NEDD4L: variants seen among roughly 807,000 people sequenced by gnomAD.
NEDD4L encodes the protein E3 ubiquitin-protein ligase NEDD4-like.
NEDD4L carries 54 observed loss-of-function variants against 148.9 expected under a neutral mutation model. The ratio of observed to expected loss-of-function variants is 0.36; its 90% confidence interval spans 0.29 to 0.45. NEDD4L has a LOEUF of 0.45. NEDD4L is among the 20% of genes least tolerant of loss of function. The pLI is 1.00. For synonymous variants in NEDD4L, 433 were observed against 440.7 expected (o/e 0.98, Z 0.22); for missense variants, 856 against 1,233.8 (o/e 0.69, Z 4.59).
rs191083959 is a variant in NEDD4L, at chr18:58,242,659, C to T, written c.123-2768C>T. 1.8e-3 allele frequency among the ~76,000 whole-genome samples: 273 copies of T among 152,218 alleles called. 6 individuals carry two copies. In the Middle Eastern group the frequency reaches 0.02, roughly 11 times the overall value. On this transcript the variant is annotated intron_variant, in intron 2 of 30. Transcript: ENST00000400345. ...GTGACTACAGGTGCATGCCACCACACGCAGCTACATTTTTTTTGTATTTTT... is the reference window on the plus strand; with the variant it reads ...GTGACTACAGGTGCATGCCACCACATGCAGCTACATTTTTTTTGTATTTTT...
chr18:58,255,544 A>C (rs2048412435), intron 5 of NEDD4L: 1 of 1,231,372 alleles, frequency 8.1e-7, no homozygotes, highest in Non-Finnish European at 1.0e-6. Context: ...CAGATGGGAC[A>C]CTTTTTCTTG....
At chr18:58,123,710 C>T (rs1403022695) in intron 1 of NEDD4L, among the ~76,000 whole-genome samples, 1 of 152,102 alleles carries the variant, frequency 6.6e-6, no homozygotes, top group Admixed American at 6.6e-5. Context: ...ATCAGTTCTC[C>T]ACACCTCCCA....
At position 58,330,786 on chromosome 18, in the gene NEDD4L, G is replaced by T. The variant is rs769574778; in HGVS notation, c.862G>T (p.Gly288Cys). ...EEVNIAGDSL[G>C]LALPPPPASP... is the part of the protein sequence containing the mutation. ...AGTGAATATCGCTGGAGACTCTCTC[G>T]GTCTGGCTCTGCCCCCACCACCGGC... The change falls in exon 11 of 31, where the codon GGT becomes TGT. Residue 288 changes from glycine (G) to cysteine (C), a missense_variant. Physicochemically the swap from Gly to Cys is radical, Grantham distance 159. This residue lies in a region of NEDD4L where 367 missense variants were observed against 422.7 expected (regional missense o/e 0.87). Coordinates refer to ENST00000400345, the MANE Select transcript of NEDD4L (RefSeq NM_001144967.3). 11 of 1,612,736 alleles carry T rather than the reference G, an allele frequency of 6.8e-6. No homozygotes were observed. The highest frequency in any genetic ancestry group is 5.9e-6 in the Non-Finnish European group (7 of 1,179,270).
intron 1 of NEDD4L, among the ~76,000 whole-genome samples, chr18:58,148,963 A>T (rs2034395363): frequency 1.3e-5 from 2 of 152,220 alleles, no homozygotes; most frequent in African/African-American, 4.8e-5. Context: ...ATGATACACT[A>T]CTGGTGCCTC....
intron 2 of NEDD4L, among the ~76,000 whole-genome samples, chr18:58,188,001 C>T (rs1327598488): frequency 6.6e-6 from 1 of 152,190 alleles, no homozygotes; most frequent in Non-Finnish European, 1.5e-5. Flanking sequence ...GGGAAAACTT[C>T]ATGGTAGGGA....
At chr18:58,255,731 T>G in intron 5 of NEDD4L, 2 of 1,232,354 alleles carry the variant, frequency 1.6e-6, no homozygotes, top group Non-Finnish European at 1.0e-6. Context: ...AGAAGACGAC[T>G]TCTTCATGGC....
rs187008620 is a variant in NEDD4L, at chr18:58,296,862, C to T, written c.298-19120C>T. Among the ~76,000 whole-genome samples the T allele has an allele frequency of 1.3e-3, 193 of 152,202 alleles. 4 individuals carry two copies. The highest frequency in any genetic ancestry group is 0.011 in the Admixed American group (168 of 15,298). On this transcript the variant is annotated intron_variant, in intron 5 of 30. Coordinates refer to ENST00000400345, the MANE Select transcript of NEDD4L (RefSeq NM_001144967.3). Reference sequence around the variant, plus strand: ...GCTTGAACCTGGGAGGTGGAGGTTGCGGTGAGCTGAGATCGTGCCACTGCA... The same window carrying T: ...GCTTGAACCTGGGAGGTGGAGGTTGTGGTGAGCTGAGATCGTGCCACTGCA...
intron 1 of NEDD4L, among the ~76,000 whole-genome samples, chr18:58,118,067 C>T (rs1260335419): frequency 6.6e-6 from 1 of 152,258 alleles, no homozygotes; most frequent in Non-Finnish European, 1.5e-5. Context: ...CTCAAGATGA[C>T]TTAACTAGCT....
chr18:58,147,044 C>T (rs146698505), intron 1 of NEDD4L, among the ~76,000 whole-genome samples: 4 of 152,258 alleles, frequency 2.6e-5, no homozygotes, highest in African/African-American at 9.6e-5. Flanking sequence ...CGTTCTCAGG[C>T]TGGGGTGGGA....
At chr18:58,255,788 A>C in intron 5 of NEDD4L, 1 of 1,232,554 alleles carries the variant, frequency 8.1e-7, no homozygotes, top group Non-Finnish European at 1.0e-6. Context: ...CTTCGCCCAG[A>C]ACGGAGGGGA....
intron 2 of NEDD4L, among the ~76,000 whole-genome samples, chr18:58,222,091 T>C (rs1214321611): frequency 6.6e-6 from 1 of 152,234 alleles, no homozygotes; most frequent in African/African-American, 2.4e-5. Context: ...ATAATACTTT[T>C]ATTTTTGAAA....
At chr18:58,295,248 C>T (rs2055386361) in intron 5 of NEDD4L, among the ~76,000 whole-genome samples, 1 of 152,160 alleles carries the variant, frequency 6.6e-6, no homozygotes, top group Non-Finnish European at 1.5e-5. Context: ...CCTAAAAATC[C>T]TCTGTGCTTC....
chr18:58,212,549 C>T (rs756790141), intron 2 of NEDD4L, among the ~76,000 whole-genome samples: 4 of 152,126 alleles, frequency 2.6e-5, no homozygotes, highest in African/African-American at 4.8e-5. Flanking sequence ...TACCTCCCAC[C>T]GGGTCCCTCC....
intron 2 of NEDD4L, among the ~76,000 whole-genome samples, chr18:58,212,498 C>G (rs1016071629): frequency 5.9e-5 from 9 of 152,124 alleles, no homozygotes; most frequent in Non-Finnish European, 1.2e-4. Flanking sequence ...AATTCACTAT[C>G]ATGAGAACGG....
intron 5 of NEDD4L, 32 bp downstream of exon 5, chr18:58,252,086 C>A: frequency 7.0e-7 from 1 of 1,437,264 alleles, no homozygotes; most frequent in Non-Finnish European, 9.8e-7. Context: ...AATTTTGCTT[C>A]ATTTTTTTAT....
At position 58,370,275 on chromosome 18, in the gene NEDD4L, C is replaced by T. The variant is rs141363509; in HGVS notation, c.2186-122C>T. 149 of 681,530 alleles carry T rather than the reference C, an allele frequency of 2.2e-4. No individual in the cohort carries two copies. The African/African-American group carries it at 2.4e-3, about 11-fold the overall frequency. 42.2% of individuals were successfully genotyped at this position (681,530 alleles called of 1,614,324 possible). A position where few individuals can be genotyped will look rare whatever the true frequency, so the allele number is the denominator to read the frequency against. On this transcript the variant is annotated intron_variant, in intron 22 of 30. Coordinates refer to ENST00000400345, the MANE Select transcript of NEDD4L (RefSeq NM_001144967.3). ...CTCGCTTGTGCAATACTGTAGAAGG[C>T]CCTTGGTTACTCCTTCATGGTTTCT...
At position 58,055,179 on chromosome 18, in the gene NEDD4L, G is replaced by T. The variant is rs1050015678; in HGVS notation, c.48+10471G>T. On this transcript the variant is annotated intron_variant, in intron 1 of 30. Transcript: ENST00000400345. ...ATGTAGAGAAAATGACTAGGGGCTA[G>T]GCACAGTGGCTCACGCCTGTAATCT... Among the ~76,000 whole-genome samples, 4 of 152,320 alleles carry T rather than the reference G, an allele frequency of 2.6e-5. No homozygotes were observed. In the East Asian group the frequency reaches 7.7e-4, roughly 29 times the overall value.
At chr18:58,347,862 ATTTG>A (rs2043296199) in intron 16 of NEDD4L, among the ~76,000 whole-genome samples, 2 of 152,180 alleles carry the variant, frequency 1.3e-5, no homozygotes, top group South Asian at 4.1e-4. Flanking sequence ...AAATCTAGTA[ATTTG>A]GCAGCAGCAA....
intron 1 of NEDD4L, among the ~76,000 whole-genome samples, chr18:58,165,443 G>C (rs1412954781): frequency 6.6e-6 from 1 of 152,160 alleles, no homozygotes; most frequent in Non-Finnish European, 1.5e-5. Context: ...GCAAACTTGT[G>C]GCACTTGGAC....
Sources: allele counts gnomAD v4.1 joint callset (sites outside exome capture counted in the v4.1 genomes callset), GRCh38; gene constraint gnomAD v4.1.1; regional missense constraint gnomAD v4.1.1; transcripts MANE v1.5; gene names NCBI Gene and HGNC (gene_info 2026-07-23, HGNC 2026-07-21).